Variants in HYI observed in about 807,000 individuals in gnomAD.
HYI encodes the protein putative hydroxypyruvate isomerase.
A neutral mutation model predicts 39.7 loss-of-function variants in HYI; 47 were observed. That is an observed-to-expected ratio of 1.18 (90% CI 0.94 to 1.51). The LOEUF is 1.51. Ranked by LOEUF, HYI falls within the 40% of genes most tolerant of loss-of-function variation. The pLI is 0.00. For synonymous variants in HYI, 186 were observed against 158.8 expected (o/e 1.17, Z -1.29); for missense variants, 465 against 370.3 (o/e 1.26, Z -2.10).
Position 43,451,737 on chromosome 1 carries a change from A to G in HYI, c.556-20T>C. The G allele has an allele frequency of 6.2e-7, 1 of 1,613,658 alleles. No homozygotes were observed. Among genetic ancestry groups the G allele is most frequent in the Non-Finnish European group, 8.5e-7 (1 of 1,179,730 alleles). On this transcript the variant is annotated intron_variant, in intron 5 of 7. Coordinates refer to ENST00000372430, the MANE Select transcript of HYI (RefSeq NM_001190880.3). Reference sequence around the variant, plus strand: ...TATGTCCTAGGGAAGAGGATACTACATTCCGAGACCCCGCAGGCCCCGCCC... The same window carrying G: ...TATGTCCTAGGGAAGAGGATACTACGTTCCGAGACCCCGCAGGCCCCGCCC...
Position 43,453,695 on chromosome 1 carries a change from C to T in HYI, c.99G>A (p.Glu33=), listed in dbSNP as rs771549328. 9 of 1,439,024 alleles carry T rather than the reference C, an allele frequency of 6.3e-6. No homozygotes were observed. Among genetic ancestry groups the T allele is most frequent in the African/African-American group, 3.0e-5 (2 of 66,666 alleles). 89.1% of individuals were successfully genotyped at this position (1,439,024 alleles called of 1,614,324 possible). A position where few individuals can be genotyped will look rare whatever the true frequency, so the allele number is the denominator to read the frequency against. The change falls in exon 1 of 8, where the codon GAG becomes GAA. Residue 33 remains glutamate (E), a synonymous_variant. Transcript: ENST00000372430. ...CGTACGGCCAGGCCACCTCGACGGC[C>T]TCGAAGCCCGAGCTGCCCGCGGCCC... is the stretch of plus-strand genomic sequence containing the variant. The part of the protein sequence containing the change: ...RVRAAGSSGF[E]AVEVAWPYAE...
intron 2 of HYI, chr1:43,452,669 T>C (rs886373764): frequency 5.0e-6 from 3 of 602,796 alleles, no homozygotes; most frequent in Non-Finnish European, 8.9e-6. Flanking sequence ...CTGCTGTCTC[T>C]ACTTCCTCTC....
rs571522183 is a variant in HYI at position 43,453,680 on chromosome 1, G to T, written c.114C>A (p.Ala38=). ...CCTCAGGCGTCTCCGCGTACGGCCAGGCCACCTCGACGGCCTCGAAGCCCG... is the reference window on the plus strand; with the variant it reads ...CCTCAGGCGTCTCCGCGTACGGCCATGCCACCTCGACGGCCTCGAAGCCCG... The part of the protein sequence containing the change: ...GSSGFEAVEV[A]WPYAETPEAL... Residue 38 remains alanine (A), a synonymous_variant, in exon 1 of 8, where the codon GCC becomes GCA. Transcript: ENST00000372430. The T allele has an allele frequency of 2.3e-5, 34 of 1,463,968 alleles. No homozygotes were observed. The African/African-American group carries it at 4.6e-4, about 20-fold the overall frequency. The allele number at this position is 1,463,968 out of a possible 1,614,324, so 90.7% of individuals were successfully genotyped here.
At position 43,453,673 on chromosome 1, in the gene HYI, A is replaced by G; in HGVS notation, c.121T>C (p.Tyr41His). Residue 41 changes from tyrosine to histidine, a missense_variant, in exon 1 of 8, where the codon TAC (tyrosine) becomes CAC (histidine). Coordinates refer to ENST00000372430, the MANE Select transcript of HYI (RefSeq NM_001190880.3). ...GFEAVEVAWPYAETPEALARA... is the reference protein window; with the variant it reads ...GFEAVEVAWPHAETPEALARA... Reference sequence around the variant, plus strand: ...GCCAGCGCCTCAGGCGTCTCCGCGTACGGCCAGGCCACCTCGACGGCCTCG... The same window carrying G: ...GCCAGCGCCTCAGGCGTCTCCGCGTGCGGCCAGGCCACCTCGACGGCCTCG... 3.4e-6 allele frequency: 5 copies of G among 1,479,926 alleles called. No homozygotes were observed. The highest frequency in any genetic ancestry group is 4.4e-6 in the Non-Finnish European group (5 of 1,123,718). 91.7% of individuals were successfully genotyped at this position (1,479,926 alleles called of 1,614,324 possible). A position where few individuals can be genotyped will look rare whatever the true frequency, so the allele number is the denominator to read the frequency against.
At chr1:43,452,351 C>G (rs1486989745) in intron 2 of HYI, 32 bp from the exon 3 acceptor site, 1 of 1,550,140 alleles carries the variant, frequency 6.5e-7, no homozygotes, top group South Asian at 1.1e-5. Flanking sequence ...GGCCTTGCCT[C>G]CCTTGGCTCT....
rs1242352170 is a variant in HYI, at chr1:43,453,716, G to T, written c.78C>A (p.Ala26=). 7.1e-7 allele frequency: 1 copy of T among 1,399,172 alleles called. No homozygotes were observed. Among genetic ancestry groups the T allele is most frequent in the East Asian group, 3.0e-5 (1 of 33,128 alleles). The allele number at this position is 1,399,172 out of a possible 1,614,324, so 86.7% of individuals were successfully genotyped here. ...ELSGLPARVR[A]AGSSGFEAVE... is the part of the protein sequence containing the mutation. Reference sequence around the variant, plus strand: ...CGGCCTCGAAGCCCGAGCTGCCCGCGGCCCGCACCCGCGCGGGGAGGCCGG... The same window carrying T: ...CGGCCTCGAAGCCCGAGCTGCCCGCTGCCCGCACCCGCGCGGGGAGGCCGG... The change falls in exon 1 of 8, where the codon GCC becomes GCA. Residue 26 remains alanine (A), a synonymous_variant. Transcript: ENST00000372430.
At chr1:43,451,908 G>A (rs770860021) in intron 4 of HYI, 27 bp downstream of exon 4, 2 of 1,613,428 alleles carry the variant, frequency 1.2e-6, no homozygotes, top group East Asian at 2.2e-5. Context: ...AAAAGGGACA[G>A]AAGGAGAGAC....
At position 43,451,546 on chromosome 1, in the gene HYI, T is replaced by C; in HGVS notation, c.626-2A>G. 6.2e-7 allele frequency: 1 copy of C among 1,613,756 alleles called. No homozygotes were observed. Among genetic ancestry groups the C allele is most frequent in the Non-Finnish European group, 8.5e-7 (1 of 1,179,822 alleles). On this transcript the variant is annotated splice_acceptor_variant, in intron 6 of 7. Coordinates refer to ENST00000372430, the MANE Select transcript of HYI (RefSeq NM_001190880.3). LOFTEE classifies it high-confidence loss of function. ...GGACCTGTGCCACCTGCACATGCCCTGGGGACAGATGTGGACAAATGTGGG... is the reference window on the plus strand; with the variant it reads ...GGACCTGTGCCACCTGCACATGCCCCGGGGACAGATGTGGACAAATGTGGG...
At chr1:43,452,120 C>T (rs879087640) in intron 3 of HYI, 85 bp downstream of exon 3, 2 of 1,491,994 alleles carry the variant, frequency 1.3e-6, no homozygotes, top group South Asian at 2.3e-5. Context: ...AGGCTGGCAG[C>T]CTCACGTGCT....
Position 43,453,501 on chromosome 1 carries a change from CAG to C in HYI, c.200-6_200-5del, listed in dbSNP as rs1423995034. The C allele has an allele frequency of 2.0e-5, 31 of 1,548,926 alleles. No individual in the cohort carries two copies. Among genetic ancestry groups the C allele is most frequent in the Non-Finnish European group, 2.4e-5 (28 of 1,145,502 alleles). ...ATTTCCCCCTTCTCTTGGTCTCCTGCAGAGAGAACGGGCCTCAGCCCCCGGCT... is the reference window on the plus strand; with the variant it reads ...ATTTCCCCCTTCTCTTGGTCTCCTGCAGAGAACGGGCCTCAGCCCCCGGCT... On this transcript the variant is annotated splice_polypyrimidine_tract_variant and splice_region_variant and intron_variant, in intron 1 of 7. Transcript: ENST00000372430.
chr1:43,452,941 T>G (rs754051176), intron 2 of HYI: 15 of 1,608,952 alleles, frequency 9.3e-6, no homozygotes, highest in African/African-American at 4.0e-5. Flanking sequence ...ACACCAGGCC[T>G]CCTCTTGCCA....
In HYI at chr1:43,453,702, C is replaced by A. The variant is rs867585712; in HGVS notation, c.92G>T (p.Gly31Val). The A allele has an allele frequency of 7.0e-6, 10 of 1,421,342 alleles. No individual in the cohort carries two copies. Among genetic ancestry groups the A allele is most frequent in the Non-Finnish European group, 9.1e-6 (10 of 1,097,520 alleles). 88.0% of individuals were successfully genotyped at this position (1,421,342 alleles called of 1,614,324 possible). A position where few individuals can be genotyped will look rare whatever the true frequency, so the allele number is the denominator to read the frequency against. The change falls in exon 1 of 8, where the codon GGC becomes GTC. Residue 31 changes from glycine to valine, a missense_variant. Coordinates refer to ENST00000372430, the MANE Select transcript of HYI (RefSeq NM_001190880.3). The part of the protein sequence containing the change: ...PARVRAAGSS[G>V]FEAVEVAWPY... ...CCAGGCCACCTCGACGGCCTCGAAGCCCGAGCTGCCCGCGGCCCGCACCCG... is the reference window on the plus strand; with the variant it reads ...CCAGGCCACCTCGACGGCCTCGAAGACCGAGCTGCCCGCGGCCCGCACCCG...
Position 43,453,774 on chromosome 1 carries a change from G to A in HYI, c.20C>T (p.Ser7Phe). ...GGGGAATAGCCAGGACAGATTGGCG[G>A]AGAAGCGCAGCGGCGCCATGCCTGG... is the stretch of plus-strand genomic sequence containing the variant. The part of the protein sequence containing the change: MAPLRF[S>F]ANLSWLFPEL... The change falls in exon 1 of 8, where the codon TCC becomes TTC. Residue 7 changes from serine (S) to phenylalanine (F), a missense_variant. Ser to Phe is a radical substitution (Grantham distance 155, BLOSUM62 -2). Transcript: ENST00000372430. The A allele has an allele frequency of 1.5e-6, 2 of 1,293,220 alleles. No homozygotes were observed. Among genetic ancestry groups the A allele is most frequent in the Non-Finnish European group, 2.0e-6 (2 of 1,023,922 alleles). 80.1% of individuals were successfully genotyped at this position (1,293,220 alleles called of 1,614,324 possible).
Position 43,451,185 on chromosome 1 carries a change from A to C in HYI, c.*53T>G. On this transcript the variant is annotated 3_prime_UTR_variant, in exon 8 of 8. Transcript: ENST00000372430. ...CAGCAGGTCATCTTTAATGCAGAGG[A>C]GGAGATGGGATGTCACTCGCTGTCT... 1.3e-5 allele frequency: 19 copies of C among 1,472,994 alleles called. No individual in the cohort carries two copies. The highest frequency in any genetic ancestry group is 1.5e-5 in the Non-Finnish European group (16 of 1,051,580). The allele number at this position is 1,472,994 out of a possible 1,614,324, so 91.2% of individuals were successfully genotyped here.
downstream of HYI, chr1:43,450,920 C>T (rs1248957548): frequency 1.3e-6 from 1 of 749,916 alleles, no homozygotes; most frequent in Non-Finnish European, 2.4e-6. This position sits in a 1 kb window ranked among gnomAD's most constrained non-coding sequence, Gnocchi z 4.3. Context: ...TGGACATTCC[C>T]ATCGAGATGA....
intron 1 of HYI, 28 bp from the exon 2 acceptor site, chr1:43,453,525 G>T (rs540754729): frequency 1.3e-6 from 2 of 1,533,232 alleles, no homozygotes; most frequent in Admixed American, 2.0e-5. Context: ...CTCAGCCCCC[G>T]GCTCGGACAC....
chr1:43,452,339 G>T lies in HYI; in HGVS notation c.312-20C>A. 1.3e-6 allele frequency: 2 copies of T among 1,592,458 alleles called. No individual in the cohort carries two copies. The highest frequency in any genetic ancestry group is 1.7e-6 in the Non-Finnish European group (2 of 1,161,734). The stretch of plus-strand genomic sequence containing the variant: ...TGGATCCTGTGGGGAAGATGGACTG[G>T]AGGCCTTGCCTCCCTTGGCTCTCTC... On this transcript the variant is annotated intron_variant, in intron 2 of 7. Coordinates refer to ENST00000372430, the MANE Select transcript of HYI (RefSeq NM_001190880.3).
At chr1:43,452,368 A>C (rs749410338) in intron 2 of HYI, 49 bp from the exon 3 acceptor site, 119 of 1,441,274 alleles carry the variant, frequency 8.3e-5, no homozygotes, top group Non-Finnish European at 1.0e-4. Flanking sequence ...CTCTCTCTGC[A>C]CCTCTTCCAG....
chr1:43,452,074 G>C, intron 3 of HYI, 61 bp from the exon 4 acceptor site: 2 of 1,551,922 alleles, frequency 1.3e-6, no homozygotes, highest in Non-Finnish European at 8.8e-7. Context: ...CCATCAGTCA[G>C]TCACTGGTCA....
Sources: gnomAD v4.1 joint callset for allele counts on GRCh38, gnomAD v4.1.1 for gene constraint, Gnocchi (gnomAD v3.1) non-coding constraint, MANE v1.5 for transcripts, NCBI Gene and HGNC (gene_info 2026-07-23, HGNC 2026-07-21) for gene names.